Variants in STRADB observed in about 807,000 individuals in gnomAD.
The protein encoded by STRADB is STE20-related kinase adapter protein beta.
Under a neutral mutation model 52.1 loss-of-function variants are expected in STRADB, and 34 were observed. The observed-to-expected ratio is 0.65, with a 90% confidence interval of 0.50 to 0.87. The LOEUF is 0.87. STRADB is among the 40% of genes least tolerant of loss of function. The probability of loss-of-function intolerance (pLI) is 0.00; values close to 1 mark genes in which losing one functional copy is unlikely to be tolerated. For missense variants in STRADB, 340 were observed against 483.9 expected (o/e 0.70, Z 2.79); for synonymous variants, 133 against 174.5 (o/e 0.76, Z 1.87).
chr2:201,480,042 A>G lies in STRADB; in HGVS notation c.1124A>G (p.Glu375Gly). Residue 375 changes from glutamate to glycine, a missense_variant, in exon 12 of 12, where the codon GAA (glutamate) becomes GGA (glycine). Coordinates refer to ENST00000194530, the MANE Select transcript of STRADB (RefSeq NM_018571.6). ...SHVFFKQMKE[E>G]SQDSILSLLP... Reference sequence around the variant, plus strand: ...GAGTTTCTTTAACAGATGAAAGAAGAAAGCCAGGATTCAATACTTTCACTG... The same window carrying G: ...GAGTTTCTTTAACAGATGAAAGAAGGAAGCCAGGATTCAATACTTTCACTG... The G allele has an allele frequency of 6.2e-7, 1 of 1,613,936 alleles. No individual in the cohort carries two copies. Among genetic ancestry groups the G allele is most frequent in the Non-Finnish European group, 8.5e-7 (1 of 1,179,816 alleles).
intron 3 of STRADB, among the ~76,000 whole-genome samples, chr2:201,466,490 T>C (rs1952306694): frequency 1.3e-5 from 2 of 152,196 alleles, no homozygotes; most frequent in South Asian, 4.1e-4. Context: ...CTAGAAAAAC[T>C]TCCTTGTGCG....
intron 1 of STRADB, among the ~76,000 whole-genome samples, chr2:201,454,171 G>C (rs1167904066): frequency 2.6e-5 from 4 of 152,148 alleles, no homozygotes; most frequent in African/African-American, 9.7e-5. Context: ...TGGAAACCGT[G>C]GATGGTGCTT....
At chr2:201,468,085 C>CTTTTCTTTTTT (rs1559465545) in intron 3 of STRADB, among the ~76,000 whole-genome samples, 3 of 71,030 alleles carry the variant, frequency 4.2e-5, no homozygotes, top group Non-Finnish European at 8.8e-5. Context: ...TTTTTTTTTT[C>CTTTTCTTTTTT]TTTTTTTTTT....
At chr2:201,471,214 C>T (rs1952383304) in intron 4 of STRADB, among the ~76,000 whole-genome samples, 1 of 152,146 alleles carries the variant, frequency 6.6e-6, no homozygotes, top group African/African-American at 2.4e-5. Context: ...AACATGTTTA[C>T]CTCAGTAAAT....
At chr2:201,463,348 A>AAG (rs35871029) in intron 3 of STRADB, among the ~76,000 whole-genome samples, 7 of 150,270 alleles carry the variant, frequency 4.7e-5, no homozygotes, top group Non-Finnish European at 1.0e-4. Context: ...AAAAAAAAAA[A>AAG]GGTTTTCCTT....
At chr2:201,459,358 A>G (rs567792193) in intron 3 of STRADB, among the ~76,000 whole-genome samples, 19 of 152,060 alleles carry the variant, frequency 1.2e-4, no homozygotes, top group Non-Finnish European at 2.1e-4. Flanking sequence ...AATACCTCCA[A>G]TTGGATTTTT....
chr2:201,453,769 A>G (rs1030714407), intron 1 of STRADB, among the ~76,000 whole-genome samples: 3 of 152,224 alleles, frequency 2.0e-5, no homozygotes, highest in Admixed American at 2.0e-4. Context: ...TTCACCCTGG[A>G]AGGTTGGCAG....
chr2:201,468,691 A>G (rs982673374), intron 3 of STRADB, among the ~76,000 whole-genome samples: 1 of 152,200 alleles, frequency 6.6e-6, no homozygotes, highest in Non-Finnish European at 1.5e-5. Context: ...ACCCAGTAAC[A>G]TTATGCCGTT....
intron 3 of STRADB, among the ~76,000 whole-genome samples, chr2:201,463,570 C>T (rs921280023): frequency 1.1e-4 from 17 of 152,044 alleles, no homozygotes; most frequent in African/African-American, 3.1e-4. Context: ...TTCTTGGATA[C>T]TGGATATTGA....
intron 7 of STRADB, among the ~76,000 whole-genome samples, chr2:201,476,357 A>C (rs1012027692): frequency 7.0e-6 from 1 of 142,778 alleles, no homozygotes; most frequent in South Asian, 2.1e-4. Context: ...TTTTTGTCTT[A>C]CTTTTTTTTT....
In STRADB at chr2:201,478,481, T is replaced by C. The variant is rs1035667632; in HGVS notation, c.950T>C (p.Leu317Pro). The change falls in exon 10 of 12, where the codon CTT becomes CCT. Residue 317 changes from leucine (L) to proline (P), a missense_variant. Leu to Pro is a moderately conservative substitution (Grantham distance 98). Transcript: ENST00000194530. Reference sequence around the variant, plus strand: ...GACTCTGGGATTGGAGAAAGTGTGCTTGTCTCCAGTGGAACTCACACAGTA... The same window carrying C: ...GACTCTGGGATTGGAGAAAGTGTGCCTGTCTCCAGTGGAACTCACACAGTA... Reference protein sequence around the residue: ...GVDSGIGESVLVSSGTHTVNS... With the variant: ...GVDSGIGESVPVSSGTHTVNS... 1.2e-6 allele frequency: 2 copies of C among 1,613,872 alleles called. No homozygotes were observed. The highest frequency in any genetic ancestry group is 2.2e-5 in the South Asian group (2 of 91,068).
At chr2:201,473,122 C>G (rs1453884616) in intron 5 of STRADB, 46 bp downstream of exon 5, 1 of 1,560,026 alleles carries the variant, frequency 6.4e-7, no homozygotes, top group South Asian at 1.3e-5. Context: ...TCTGTATCCA[C>G]TGGTTCCACA....
intron 3 of STRADB, among the ~76,000 whole-genome samples, chr2:201,461,241 T>C (rs945205227): frequency 6.6e-6 from 1 of 152,204 alleles, no homozygotes; most frequent in Non-Finnish European, 1.5e-5. Flanking sequence ...CCAGCTGCAC[T>C]GCAGTGGTGT....
chr2:201,454,700 G>A, intron 1 of STRADB, 46 bp from the exon 2 acceptor site: 1 of 759,998 alleles, frequency 1.3e-6, no homozygotes, highest in Non-Finnish European at 2.0e-6. Context: ...GGTTCTTTAA[G>A]GAACTTTTAT....
intron 3 of STRADB, among the ~76,000 whole-genome samples, chr2:201,463,897 T>C (rs554952703): frequency 3.7e-4 from 57 of 152,238 alleles, no homozygotes; most frequent in African/African-American, 1.3e-3. Flanking sequence ...CTTCAGTATG[T>C]CAGTTGAATT....
intron 2 of STRADB, among the ~76,000 whole-genome samples, chr2:201,455,516 C>T (rs1576549633): frequency 6.6e-6 from 1 of 152,182 alleles, no homozygotes; most frequent in African/African-American, 2.4e-5. Flanking sequence ...GAGTTCAACA[C>T]CAGCCTAGGC....
intron 4 of STRADB, among the ~76,000 whole-genome samples, chr2:201,470,699 G>A (rs775105674): frequency 2.6e-4 from 40 of 152,134 alleles, no homozygotes; most frequent in Non-Finnish European, 5.0e-4. Context: ...TGTCCTAAGT[G>A]TTATGGGAAC....
At chr2:201,453,397 G>C (rs963117223) in intron 1 of STRADB, among the ~76,000 whole-genome samples, 2 of 152,078 alleles carry the variant, frequency 1.3e-5, no homozygotes, top group Admixed American at 1.3e-4. Flanking sequence ...CAAGTGGCCA[G>C]GGTCTTGTCT....
At chr2:201,459,962 G>A (rs968252698) in intron 3 of STRADB, among the ~76,000 whole-genome samples, 1 of 152,016 alleles carries the variant, frequency 6.6e-6, no homozygotes, top group Non-Finnish European at 1.5e-5. Context: ...TTCTGCTCCC[G>A]TGTATCTTAG....
Sources: gnomAD v4.1 joint callset for allele counts (sites outside exome capture counted in the v4.1 genomes callset) on GRCh38, gnomAD v4.1.1 for gene constraint, MANE v1.5 for transcripts, NCBI Gene and HGNC (gene_info 2026-07-23, HGNC 2026-07-21) for gene names.